The following CAPS2 variants were observed in gnomAD, a reference collection of about 807,000 sequenced individuals.
CAPS2 encodes the protein calcyphosin-2.
In CAPS2, 98 loss-of-function variants were observed where a neutral mutation model predicts 86.5. The ratio of observed to expected loss-of-function variants is 1.13; its 90% CI spans 0.96 to 1.34. The LOEUF (loss-of-function observed/expected upper bound fraction) is 1.34. Ranked by LOEUF, CAPS2 falls within the 40% of genes most tolerant of loss-of-function variation. The probability of loss-of-function intolerance (pLI) is 0.00; values close to 1 mark genes in which losing one functional copy is unlikely to be tolerated. For missense variants in CAPS2, 729 were observed against 686.8 expected, an observed-to-expected ratio of 1.06 and a Z score of -0.69; for synonymous variants, 210 against 225.1, an observed-to-expected ratio of 0.93 and a Z score of 0.60.
At chr12:75,277,449 T>C (rs1012227325) in exon 17 of CAPS2, 3 of 927,668 alleles carry the variant, frequency 3.2e-6, no homozygotes, top group Non-Finnish European at 3.9e-6. Context: ...GTGACAAAAA[T>C]AGTGTTATAG....
chr12:75,305,603 GC>G, intron 7 of CAPS2: 1 of 613,920 alleles, frequency 1.6e-6, no homozygotes. Flanking sequence ...ACTGCCCCAG[GC>G]CCCGAGCGAC....
chr12:75,381,845 C>A (rs1400956183), intron 1 of CAPS2, among the ~76,000 whole-genome samples: 1 of 152,048 alleles, frequency 6.6e-6, no homozygotes, highest in Non-Finnish European at 1.5e-5. Context: ...GATCTCCTGA[C>A]CTCGTGATCT....
intron 7 of CAPS2, among the ~76,000 whole-genome samples, chr12:75,312,097 A>G (rs762925036): frequency 6.6e-6 from 1 of 152,206 alleles, no homozygotes; most frequent in Admixed American, 6.5e-5. Context: ...AAATTCTAGC[A>G]TAGTTCCATA....
In CAPS2 at chr12:75,286,174, T is replaced by A. The variant is rs1032357504; in HGVS notation, c.1396-1094A>T. ...AATAATAGGTACTCAAAAAACATCATCTTCCACTCCCTCCTATTTTTTTCA... is the reference window on the plus strand; with the variant it reads ...AATAATAGGTACTCAAAAAACATCAACTTCCACTCCCTCCTATTTTTTTCA... On this transcript the variant is annotated intron_variant, in intron 14 of 16. Coordinates refer to ENST00000393284, the Ensembl canonical transcript of CAPS2. Among the ~76,000 whole-genome samples, 13 of 152,128 alleles carry A rather than the reference T, an allele frequency of 8.5e-5. No homozygotes were observed. The East Asian group carries it at 9.7e-4, about 11-fold the overall frequency.
intron 15 of CAPS2, 95 bp from the exon 16 acceptor site, chr12:75,282,442 A>G: frequency 1.3e-6 from 1 of 798,314 alleles, no homozygotes; most frequent in East Asian, 2.5e-5. Context: ...ACTGGAGTGC[A>G]ATGGCGTGAT....
chr12:75,279,148 C>T (rs1323629736), intron 16 of CAPS2, 83 bp from the exon 17 acceptor site: 9 of 1,183,726 alleles, frequency 7.6e-6, no homozygotes, highest in Admixed American at 2.6e-5. Context: ...ACTTAATCAT[C>T]TTATGAAATA....
intron 1 of CAPS2, among the ~76,000 whole-genome samples, chr12:75,343,498 T>C (rs1318597595): frequency 6.6e-6 from 1 of 152,024 alleles, no homozygotes; most frequent in Non-Finnish European, 1.5e-5. Flanking sequence ...TGAACTGTCA[T>C]AGAGTGAGTA....
intron 1 of CAPS2, among the ~76,000 whole-genome samples, chr12:75,335,059 C>G (rs1453170661): frequency 6.6e-6 from 1 of 152,160 alleles, no homozygotes; most frequent in Non-Finnish European, 1.5e-5. Context: ...GCTGTCTCCT[C>G]CAGAGTCATA....
chr12:75,374,119 G>A (rs1445354829), intron 1 of CAPS2, among the ~76,000 whole-genome samples: 1 of 152,174 alleles, frequency 6.6e-6, no homozygotes, highest in African/African-American at 2.4e-5. Flanking sequence ...ATTCACCTAT[G>A]GGAGCCCGCC....
chr12:75,373,251 G>T (rs1489706295), intron 1 of CAPS2, among the ~76,000 whole-genome samples: 1 of 152,132 alleles, frequency 6.6e-6, no homozygotes, highest in African/African-American at 2.4e-5. Flanking sequence ...TGATGACAGG[G>T]GTGTCTGGGG....
intron 1 of CAPS2, among the ~76,000 whole-genome samples, chr12:75,358,971 A>G (rs75009372): frequency 1.4e-5 from 2 of 144,718 alleles, no homozygotes; most frequent in Non-Finnish European, 3.1e-5. Context: ...CTGCATAAAA[A>G]AGATAGAACA....
At chr12:75,292,881 A>AAAAT (rs2036236174) in intron 12 of CAPS2, among the ~76,000 whole-genome samples, 2 of 151,372 alleles carry the variant, frequency 1.3e-5, no homozygotes, top group Non-Finnish European at 3.0e-5. Flanking sequence ...TTTTTTAGAT[A>AAAAT]CTAAAAAAAA....
intron 1 of CAPS2, among the ~76,000 whole-genome samples, chr12:75,353,960 C>T (rs1481368894): frequency 6.6e-6 from 1 of 152,006 alleles, no homozygotes; most frequent in Non-Finnish European, 1.5e-5. Flanking sequence ...TTAAAAACTC[C>T]TCTCAATAAA....
intron 1 of CAPS2, among the ~76,000 whole-genome samples, chr12:75,381,304 C>T (rs2044958001): frequency 6.6e-6 from 1 of 152,270 alleles, no homozygotes; most frequent in East Asian, 1.9e-4. Flanking sequence ...CTTCCCTAGC[C>T]ATGCGGAACC....
At chr12:75,276,723 A>G, downstream of CAPS2, 3 of 822,068 alleles carry the variant, frequency 3.6e-6, no homozygotes, top group Non-Finnish European at 4.4e-6. Flanking sequence ...ACAATTCCAT[A>G]AACAGTATGG....
chr12:75,289,277 C>G (rs923398417), intron 14 of CAPS2, among the ~76,000 whole-genome samples: 2 of 152,176 alleles, frequency 1.3e-5, no homozygotes, highest in African/African-American at 2.4e-5. Context: ...TCCCCACAAC[C>G]TGTCTTGGAA....
chr12:75,384,587 T>C (rs539559198), intron 1 of CAPS2, among the ~76,000 whole-genome samples: 4 of 152,206 alleles, frequency 2.6e-5, no homozygotes, highest in East Asian at 1.9e-4. Flanking sequence ...AAGAAAAAAG[T>C]GATCGATTCT....
chr12:75,290,393 T>A (rs951162953), intron 13 of CAPS2, among the ~76,000 whole-genome samples: 1 of 152,218 alleles, frequency 6.6e-6, no homozygotes, highest in African/African-American at 2.4e-5. Flanking sequence ...TACTTAAGAA[T>A]AGATTGGTAA....
exon 5 of CAPS2, chr12:75,321,416 T>C: frequency 6.5e-7 from 1 of 1,542,484 alleles, no homozygotes; most frequent in African/African-American, 1.4e-5. Flanking sequence ...ATCTATCTTG[T>C]TTCTTGGAGA....
Sources: gnomAD v4.1 joint callset for allele counts (sites outside exome capture counted in the v4.1 genomes callset) on GRCh38, gnomAD v4.1.1 for gene constraint, MANE v1.5 for transcripts, NCBI Gene and HGNC (gene_info 2026-07-23, HGNC 2026-07-21) for gene names.